Variants in RPS6KA2 observed in about 807,000 individuals in gnomAD.
The protein encoded by RPS6KA2 is ribosomal protein S6 kinase alpha-2.
RPS6KA2 carries 42 observed loss-of-function variants against 91.8 expected under a neutral mutation model. The ratio of observed to expected loss-of-function variants is 0.46; its 90% confidence interval spans 0.36 to 0.59. RPS6KA2 has a LOEUF of 0.59. Among genes scored for constraint, RPS6KA2 ranks in the 20% least tolerant of loss-of-function variants. RPS6KA2 has a pLI of 0.00. For missense variants in RPS6KA2, 798 were observed against 978.5 expected, an observed-to-expected ratio of 0.82 and a Z score of 2.46; for synonymous variants, 414 against 393.6, an observed-to-expected ratio of 1.05 and a Z score of -0.61.
intron 11 of RPS6KA2, among the ~76,000 whole-genome samples, chr6:166,462,828 C>A (rs76577187): frequency 8.5e-5 from 13 of 152,256 alleles, no homozygotes; most frequent in Admixed American, 7.9e-4. Flanking sequence ...GGGAGGCATG[C>A]GTGTGAGAGT....
intron 2 of RPS6KA2, among the ~76,000 whole-genome samples, chr6:166,842,337 C>T (rs368528498): frequency 1.3e-5 from 2 of 152,198 alleles, no homozygotes; most frequent in Non-Finnish European, 2.9e-5. Flanking sequence ...AATATAACTG[C>T]GTTCTTAGAA....
intron 2 of RPS6KA2, among the ~76,000 whole-genome samples, chr6:166,781,745 G>C (rs555573987): frequency 1.3e-5 from 2 of 152,334 alleles, no homozygotes; most frequent in African/African-American, 4.8e-5. Context: ...ATGCAGCAGA[G>C]ACTTGCACCA....
rs145532953 is a variant in RPS6KA2 at position 166,813,221 on chromosome 6, G to A, written c.123+44979C>T. Among the ~76,000 whole-genome samples, 468 of 152,156 alleles carry A rather than the reference G, an allele frequency of 3.1e-3. 3 individuals are homozygous for A. Among genetic ancestry groups the A allele is most frequent in the African/African-American group, 0.01 (429 of 41,508 alleles). On this transcript the variant is annotated intron_variant, in intron 2 of 21. Coordinates refer to the RPS6KA2 transcript ENST00000503859. Reference sequence around the variant, plus strand: ...ATTTAACAAGCGGAAGCCAGCACACGTGCAGGTGTGGAGCAGAAGGTCCCA... The same window carrying A: ...ATTTAACAAGCGGAAGCCAGCACACATGCAGGTGTGGAGCAGAAGGTCCCA...
At chr6:166,729,228 C>T (rs1258155313) in intron 2 of RPS6KA2, among the ~76,000 whole-genome samples, 2 of 152,206 alleles carry the variant, frequency 1.3e-5, no homozygotes, top group African/African-American at 2.4e-5. Context: ...AGCAAGCAGT[C>T]GAGGGCCCTT....
At position 166,419,017 on chromosome 6, in the gene RPS6KA2, G is replaced by A. The variant is rs959790432; in HGVS notation, c.1821-675C>T. On this transcript the variant is annotated intron_variant, in intron 18 of 20. Coordinates refer to ENST00000265678, the MANE Select transcript of RPS6KA2 (RefSeq NM_021135.6). The surrounding 1 kb of genome is among the most constrained non-coding windows in gnomAD (Gnocchi z 5.6). ...GACTGTGGTATTGGTAAGAAACTGA[G>A]GTTCCTTCCTTTGCTACTGCAGTCC... is the stretch of plus-strand genomic sequence containing the variant. 5.9e-5 allele frequency among the ~76,000 whole-genome samples: 9 copies of A among 152,186 alleles called. No individual in the cohort carries two copies. Among genetic ancestry groups the A allele is most frequent in the South Asian group, 4.1e-4 (2 of 4,832 alleles).
intron 2 of RPS6KA2, among the ~76,000 whole-genome samples, chr6:166,761,805 C>T (rs1229030787): frequency 2.6e-5 from 4 of 152,174 alleles, no homozygotes; most frequent in East Asian, 1.9e-4. Context: ...TGGGACCGCA[C>T]GGCTGTGTCC....
intron 2 of RPS6KA2, among the ~76,000 whole-genome samples, chr6:166,705,050 T>C (rs1789639027): frequency 6.6e-6 from 1 of 152,248 alleles, no homozygotes; most frequent in South Asian, 2.1e-4. Flanking sequence ...TTTTGCACAA[T>C]GCAAACTTCT....
Position 166,650,884 on chromosome 6 carries a change from A to G in RPS6KA2, c.124-112100T>C, listed in dbSNP as rs565717226. ...GATTTGAGGTGACTGAACAGAACCCATGAGGCTCAAGGTGGTTGGGTTTAA... is the reference window on the plus strand; with the variant it reads ...GATTTGAGGTGACTGAACAGAACCCGTGAGGCTCAAGGTGGTTGGGTTTAA... On this transcript the variant is annotated intron_variant, in intron 2 of 21. Coordinates refer to the RPS6KA2 transcript ENST00000503859. 1.3e-4 allele frequency among the ~76,000 whole-genome samples: 20 copies of G among 152,340 alleles called. No homozygotes were observed. The South Asian group carries it at 3.5e-3, about 27-fold the overall frequency.
intron 2 of RPS6KA2, among the ~76,000 whole-genome samples, chr6:166,711,784 AAG>A (rs71032874): frequency 4.2e-4 from 7 of 16,834 alleles, no homozygotes; most frequent in African/African-American, 4.0e-4. Flanking sequence ...TGAAGAAAGA[AAG>A]AGAGAGAGAG....
At chr6:166,705,960 G>A (rs769100437) in intron 2 of RPS6KA2, among the ~76,000 whole-genome samples, 2 of 152,154 alleles carry the variant, frequency 1.3e-5, no homozygotes, top group African/African-American at 4.8e-5. Context: ...TTATGAAAGA[G>A]ACTCTAGAGA....
chr6:166,531,109 G>A (rs1783258880), intron 3 of RPS6KA2, 123 bp downstream of exon 3: 1 of 732,274 alleles, frequency 1.4e-6, no homozygotes, highest in African/African-American at 1.7e-5. Flanking sequence ...AGAGAGTAAT[G>A]TGCTCATTTA....
intron 2 of RPS6KA2, among the ~76,000 whole-genome samples, chr6:166,780,919 G>C (rs1338799576): frequency 2.0e-5 from 3 of 152,212 alleles, no homozygotes; most frequent in African/African-American, 2.4e-5. Flanking sequence ...GACTAATGCA[G>C]AGCCACGCTG....
Position 166,663,014 on chromosome 6 carries a change from C to T in RPS6KA2, c.124-124230G>A, listed in dbSNP as rs998944980. On this transcript the variant is annotated intron_variant, in intron 2 of 21. Coordinates refer to the RPS6KA2 transcript ENST00000503859. ...GAAGACACCAGCCCCACCAAGACCT[C>T]GAACTGGGCTTCAAGCCTCCAGAAC... is the stretch of plus-strand genomic sequence containing the variant. 2.0e-5 allele frequency among the ~76,000 whole-genome samples: 3 copies of T among 152,234 alleles called. No individual in the cohort carries two copies. In the South Asian group the frequency reaches 6.2e-4, roughly 32 times the overall value.
At chr6:166,474,737 C>T (rs989875237) in intron 10 of RPS6KA2, among the ~76,000 whole-genome samples, 5 of 152,170 alleles carry the variant, frequency 3.3e-5, no homozygotes, top group Non-Finnish European at 7.3e-5. Context: ...AAACTTCCAT[C>T]AGAAATGGAA....
intron 2 of RPS6KA2, chr6:166,702,173 CG>C (rs1006193486): frequency 6.2e-7 from 1 of 1,600,598 alleles, no homozygotes; most frequent in African/African-American, 1.3e-5. Flanking sequence ...GGTGATGTTC[CG>C]AATGGTGGCA....
intron 3 of RPS6KA2, among the ~76,000 whole-genome samples, chr6:166,511,865 C>T (rs1182591951): frequency 1.3e-5 from 2 of 152,142 alleles, no homozygotes; most frequent in East Asian, 1.9e-4. Context: ...TAAAATGGTG[C>T]AGTCACTGAG....
At chr6:166,451,296 TAGTG>T (rs1033972403) in intron 12 of RPS6KA2, 63 bp from the exon 13 acceptor site, 68 of 1,577,082 alleles carry the variant, frequency 4.3e-5, no homozygotes, top group Non-Finnish European at 5.0e-5. Context: ...GGTGAAGTGA[TAGTG>T]TGTGTGTGCA....
In RPS6KA2 at chr6:166,533,072, G is replaced by C. The variant is rs901343840; in HGVS notation, c.217-1759C>G. On this transcript the variant is annotated intron_variant, in intron 2 of 20. Coordinates refer to ENST00000265678, the MANE Select transcript of RPS6KA2 (RefSeq NM_021135.6). The surrounding 1 kb of genome is among the most constrained non-coding windows in gnomAD (Gnocchi z 4.0). The stretch of plus-strand genomic sequence containing the variant: ...TCAGGGTGTTCCCTCTGTGCAGTGG[G>C]CGAGCTTCCTGACAGGCAGGTAGAG... Among the ~76,000 whole-genome samples, 1 of 152,238 alleles carries C rather than the reference G, an allele frequency of 6.6e-6. No homozygotes were observed. Among genetic ancestry groups the C allele is most frequent in the African/African-American group, 2.4e-5 (1 of 41,462 alleles).
exon 1 of RPS6KA2, chr6:166,862,247 G>A (rs940920026): frequency 6.2e-7 from 1 of 1,606,758 alleles, no homozygotes; most frequent in Non-Finnish European, 8.5e-7. Flanking sequence ...CCGGCACAGG[G>A]GGACGGCCAG....
Sources: gnomAD v4.1 joint callset for allele counts (sites outside exome capture counted in the v4.1 genomes callset) on GRCh38, gnomAD v4.1.1 for gene constraint, Gnocchi (gnomAD v3.1) non-coding constraint, MANE v1.5 for transcripts, NCBI Gene and HGNC (gene_info 2026-07-23, HGNC 2026-07-21) for gene names.